The following CFP variants were observed in gnomAD, a reference collection of about 807,000 sequenced individuals.
The protein encoded by CFP is properdin.
CFP carries 14 observed loss-of-function variants against 42.1 expected under a neutral mutation model. The ratio of observed to expected loss-of-function variants is 0.33; its 90% CI spans 0.22 to 0.52. The LOEUF is 0.52. Ranked by LOEUF, CFP falls within the 20% of genes least tolerant of loss-of-function variation. The probability of loss-of-function intolerance (pLI) is 0.96; values close to 1 mark genes in which losing one functional copy is unlikely to be tolerated. For missense variants in CFP, 318 were observed against 400.4 expected, an observed-to-expected ratio of 0.79 and a Z score of 1.76; for synonymous variants, 149 against 160.6, an observed-to-expected ratio of 0.93 and a Z score of 0.54.
chrX:47,629,489 C>CT, intron 2 of CFP, 35 bp downstream of exon 2: 2 of 654,457 alleles, frequency 3.1e-6, no homozygotes. Context: ...CAGTCCTTCC[C>CT]TCCCCCCCAT....
rs902528365 is a variant in CFP at position 47,629,859 on chromosome X, C to G, written c.-15G>C. The G allele has an allele frequency of 8.6e-7, 1 of 1,164,659 alleles. No homozygotes were observed. The highest frequency in any genetic ancestry group is 1.1e-6 in the Non-Finnish European group (1 of 870,467). On this transcript the variant is annotated 5_prime_UTR_variant, in exon 1 of 9. Transcript: ENST00000396992. ...TCTGTGATCATGTTGAGTACTGCCC[C>G]CTGCACCTCTACCAGAGAGGAGGTC...
At position 47,628,091 on chromosome X, in the gene CFP, ATCC is replaced by A. The variant is rs2057976656; in HGVS notation, c.403+8_403+10del. The A allele has an allele frequency of 2.5e-6, 3 of 1,210,638 alleles. No homozygotes were observed. Among genetic ancestry groups the A allele is most frequent in the Non-Finnish European group, 3.4e-6 (3 of 895,073 alleles). On this transcript the variant is annotated splice_region_variant and intron_variant, in intron 3 of 8. Coordinates refer to ENST00000396992, the MANE Select transcript of CFP (RefSeq NM_001145252.3). ...CAGGGAGTGCTTGCCCGCCTTGCTC[ATCC>A]TCCTCACCAGGACAGCACTGCTGGT... is the stretch of plus-strand genomic sequence containing the variant.
At position 47,627,328 on chromosome X, in the gene CFP, G is replaced by A. The variant is rs752493725; in HGVS notation, c.579C>T (p.His193=). Residue 193 remains histidine, a synonymous_variant, in exon 5 of 9, where the codon CAC becomes CAT. Coordinates refer to ENST00000396992, the MANE Select transcript of CFP (RefSeq NM_001145252.3). ...ACDTQQVCPT[H]GAWATWGPWT... ...AGGGGCCCCAGGTGGCCCAGGCCCC[G>A]TGTGCTGTGGTGGGGTGGGAGGTGG... 1.4e-5 allele frequency: 17 copies of A among 1,190,732 alleles called. No homozygotes were observed. Among genetic ancestry groups the A allele is most frequent in the East Asian group, 3.0e-5 (1 of 33,201 alleles).
In CFP at chrX:47,626,912, G is replaced by T; in HGVS notation, c.801C>A (p.Ser267Arg). ...AGGWGPWGPV[S>R]PCPVTCGLGQ... ...CCAGGCCACAGGTCACAGGGCAGGG[G>T]CTCACAGGGCCCCAAGGCCCCCAGC... Residue 267 changes from serine (S) to arginine (R), a missense_variant, in exon 6 of 9, where the codon AGC becomes AGA. Ser to Arg is a moderately radical substitution (Grantham distance 110). Coordinates refer to ENST00000396992, the MANE Select transcript of CFP (RefSeq NM_001145252.3). The T allele has an allele frequency of 8.4e-7, 1 of 1,192,120 alleles. No homozygotes were observed. Among genetic ancestry groups the T allele is most frequent in the Admixed American group, 2.3e-5 (1 of 42,916 alleles).
At chrX:47,624,525 T>TATGCCGAG in intron 8 of CFP, 85 bp from the exon 9 acceptor site, 2 of 781,660 alleles carry the variant, frequency 2.6e-6, no homozygotes, top group Non-Finnish European at 3.6e-6. Flanking sequence ...GTGCCTGCTA[T>TATGCCGAG]ATGCCGAGGG....
intron 8 of CFP, chrX:47,625,513 C>T (rs900503814): frequency 6.8e-6 from 1 of 146,617 alleles, no homozygotes; most frequent in African/African-American, 3.1e-5. Context: ...CCCCTACCTG[C>T]CCTGGGAGGC....
upstream of CFP, chrX:47,630,076 T>C (rs1035367022): frequency 3.0e-5 from 13 of 426,434 alleles, no homozygotes; most frequent in African/African-American, 3.0e-4. Context: ...CACCTCGCGC[T>C]CCTCCCAGCA....
chrX:47,625,876 A>G (rs755929329), intron 8 of CFP, 182 bp downstream of exon 8: 177 of 487,534 alleles, frequency 3.6e-4, no homozygotes, highest in African/African-American at 3.6e-3. Context: ...GCTACGAATT[A>G]TCCTCCAAGA....
intron 3 of CFP, 87 bp from the exon 4 acceptor site, chrX:47,627,728 C>A: frequency 1.7e-5 from 16 of 944,023 alleles, no homozygotes; most frequent in Non-Finnish European, 2.3e-5. Context: ...ATGAGCTAAT[C>A]CTGTCCTTAT....
Position 47,629,605 on chromosome X carries a change from C to T in CFP, c.146G>A (p.Gly49Asp). Residue 49 changes from glycine (G) to aspartate (D), a missense_variant, in exon 2 of 9, where the codon GGT (glycine) becomes GAT (aspartate). Transcript: ENST00000396992. ...ACAGCAGTCTTCCACGCTGACACCA[C>T]CCCCCAGGAGGCCCTTGCACTTGCC... ...SSGKCKGLLG[G>D]GVSVEDCCLN... 5.1e-6 allele frequency: 6 copies of T among 1,170,886 alleles called. No individual in the cohort carries two copies. The highest frequency in any genetic ancestry group is 6.9e-6 in the Non-Finnish European group (6 of 873,288).
Position 47,626,459 on chromosome X carries a change from G to T in CFP, c.1001C>A (p.Ser334Tyr). ...GCCCGGGATTTCTTGACAGCTGATG[G>T]ACTTCATGTTCCGTCGGATACAGGG... ...WSPCIRRNMK[S>Y]ISCQEIPGQQ... The change falls in exon 7 of 9, where the codon TCC becomes TAC. Residue 334 changes from serine (S) to tyrosine (Y), a missense_variant. Physicochemically the swap from Ser to Tyr is moderately radical, Grantham distance 144. Transcript: ENST00000396992. The T allele has an allele frequency of 1.7e-6, 2 of 1,211,642 alleles. No homozygotes were observed. Among genetic ancestry groups the T allele is most frequent in the Non-Finnish European group, 2.2e-6 (2 of 895,467 alleles).
Position 47,629,496 on chromosome X carries a change from C to A in CFP, c.227+28G>T, listed in dbSNP as rs200004565. The A allele has an allele frequency of 7.8e-6, 6 of 766,539 alleles. No individual in the cohort carries two copies. The East Asian group carries it at 2.2e-4, about 27-fold the overall frequency. 63.2% of individuals were successfully genotyped at this position (766,539 alleles called of 1,213,427 possible). ...CCCACAGACAGTCCTTCCCTCCCCC[C>A]CATCCCCCACCCCAGGCTCCCCCTA... On this transcript the variant is annotated intron_variant, in intron 2 of 8. Coordinates refer to ENST00000396992, the MANE Select transcript of CFP (RefSeq NM_001145252.3).
Position 47,629,506 on chromosome X carries a change from C to G in CFP, c.227+18G>C, listed in dbSNP as rs769946055. On this transcript the variant is annotated intron_variant, in intron 2 of 8. Transcript: ENST00000396992. The stretch of plus-strand genomic sequence containing the variant: ...GTCCTTCCCTCCCCCCCATCCCCCA[C>G]CCCAGGCTCCCCCTAACCTGCAAGG... 8.4e-5 allele frequency: 88 copies of G among 1,044,610 alleles called. No homozygotes were observed. Among genetic ancestry groups the G allele is most frequent in the Non-Finnish European group, 1.1e-4 (85 of 768,621 alleles). The allele number at this position is 1,044,610 out of a possible 1,213,427, so 86.1% of individuals were successfully genotyped here. A position where few individuals can be genotyped will look rare whatever the true frequency, so the allele number is the denominator to read the frequency against.
chrX:47,629,706 G>GC, intron 1 of CFP, 32 bp from the exon 2 acceptor site: 1 of 676,244 alleles, frequency 1.5e-6, no homozygotes, highest in Non-Finnish European at 2.3e-6. Context: ...GGTGGGTGGG[G>GC]CTCGGTCAGG....
chrX:47,630,010 C>T, upstream of CFP: 3 of 504,458 alleles, frequency 5.9e-6, no homozygotes, highest in South Asian at 2.9e-5. Context: ...TCTACTCTCC[C>T]CTCCCCATTT....
At chrX:47,627,020 A>T in intron 5 of CFP, 74 bp from the exon 6 acceptor site, 12 of 1,142,374 alleles carry the variant, frequency 1.1e-5, no homozygotes, top group Non-Finnish European at 1.3e-5. Context: ...CCCTTGAAGC[A>T]GACTGTCCCC....
rs1176673906 is a variant in CFP, at chrX:47,627,486, G to A, written c.559C>T (p.Gln187Ter). The A allele has an allele frequency of 8.3e-7, 1 of 1,211,520 alleles. No individual in the cohort carries two copies. ...CCTCACTCACTGGGGCAGACCTGCT[G>A]GGTGTCACAGGCCTCTGATTCCTGT... Reference protein sequence around the residue: ...QAQESEACDTQQVCPTHGAWA... With the variant: ...QAQESEACDT The change falls in exon 4 of 9, where the codon CAG becomes TAG. Residue 187 changes from glutamine (Q) to a stop codon, truncating the protein, a stop_gained. Coordinates refer to ENST00000396992, the MANE Select transcript of CFP (RefSeq NM_001145252.3). LOFTEE classifies it high-confidence loss of function.
Position 47,626,962 on chromosome X carries a change from A to C in CFP, c.767-16T>G, listed in dbSNP as rs2057971339. On this transcript the variant is annotated splice_polypyrimidine_tract_variant and intron_variant, in intron 5 of 8. Coordinates refer to ENST00000396992, the MANE Select transcript of CFP (RefSeq NM_001145252.3). ...CCCCCAGCCACTGTTGGAGGAGGAA[A>C]GGGAGTGAGGAGAAAGGCCTCCTCA... 8.5e-7 allele frequency: 1 copy of C among 1,171,700 alleles called. No homozygotes were observed. The highest frequency in any genetic ancestry group is 3.2e-5 in the East Asian group (1 of 31,306).
In CFP at chrX:47,626,910, G is replaced by T; in HGVS notation, c.803C>A (p.Pro268His). The T allele has an allele frequency of 8.4e-7, 1 of 1,192,089 alleles. No individual in the cohort carries two copies. The change falls in exon 6 of 9, where the codon CCC becomes CAC. Residue 268 changes from proline to histidine, a missense_variant. By Grantham distance (77) the Pro-to-His change is moderately conservative. Transcript: ENST00000396992. ...GCCCAGGCCACAGGTCACAGGGCAG[G>T]GGCTCACAGGGCCCCAAGGCCCCCA... ...GGWGPWGPVS[P>H]CPVTCGLGQT...
Sources: gnomAD v4.1 joint callset for allele counts on GRCh38, gnomAD v4.1.1 for gene constraint, MANE v1.5 for transcripts, NCBI Gene and HGNC (gene_info 2026-07-23, HGNC 2026-07-21) for gene names.